Variants in BICRAL observed in about 807,000 individuals in gnomAD.
BICRAL encodes BRD4-interacting chromatin-remodeling complex-associated protein-like.
BICRAL carries 8 observed loss-of-function variants against 91.8 expected under a neutral mutation model. The observed-to-expected ratio is 0.09, with a 90% CI of 0.05 to 0.16. BICRAL has a LOEUF of 0.16. Ranked by LOEUF, BICRAL falls within the 10% of genes least tolerant of loss-of-function variation. BICRAL has a pLI of 1.00. For missense variants in BICRAL, 1,038 were observed against 1,310.9 expected (o/e 0.79, Z 3.21); for synonymous variants, 445 against 491.1 (o/e 0.91, Z 1.24).
At chr6:42,824,930 C>T (rs1347627545) in intron 5 of BICRAL, among the ~76,000 whole-genome samples, 1 of 152,162 alleles carries the variant, frequency 6.6e-6, no homozygotes, top group Non-Finnish European at 1.5e-5. Flanking sequence ...TGAGACCAAC[C>T]AGCATAGTGA....
At chr6:42,859,798 C>T (rs1197599733) in intron 10 of BICRAL, among the ~76,000 whole-genome samples, 3 of 151,906 alleles carry the variant, frequency 2.0e-5, no homozygotes, top group Non-Finnish European at 2.9e-5. Flanking sequence ...CCCGCCACCA[C>T]GCCCAGCTAA....
intron 6 of BICRAL, among the ~76,000 whole-genome samples, chr6:42,843,094 A>T (rs1370374014): frequency 6.6e-6 from 1 of 151,988 alleles, no homozygotes; most frequent in African/African-American, 2.4e-5. Context: ...TGACCTCGTG[A>T]TCTGCCTGCC....
chr6:42,835,884 G>A (rs749048407), intron 6 of BICRAL, among the ~76,000 whole-genome samples: 5 of 152,158 alleles, frequency 3.3e-5, no homozygotes, highest in Non-Finnish European at 7.3e-5. Context: ...TGAGGGTGAT[G>A]GCACCACTGC....
At chr6:42,772,088 A>G (rs1013404248) in intron 1 of BICRAL, among the ~76,000 whole-genome samples, 8 of 152,152 alleles carry the variant, frequency 5.3e-5, no homozygotes, top group Non-Finnish European at 1.2e-4. Context: ...ACTCATTTTA[A>G]GCAATGTTTT....
chr6:42,857,614 A>AAAAAAAAAAAATATATATATATATAT, intron 10 of BICRAL, among the ~76,000 whole-genome samples: 1 of 96,240 alleles, frequency 1.0e-5, no homozygotes, highest in African/African-American at 6.5e-5. Context: ...AAAAAAAAAA[A>AAAAAAAAAAAATATATATATATATAT]ATATATATAT....
intron 1 of BICRAL, among the ~76,000 whole-genome samples, chr6:42,795,362 T>C (rs1325752195): frequency 6.6e-6 from 1 of 151,878 alleles, no homozygotes; most frequent in African/African-American, 2.4e-5. Context: ...ACCTGGGAGG[T>C]GGAGGTTGCA....
intron 6 of BICRAL, among the ~76,000 whole-genome samples, chr6:42,831,087 G>C (rs970659125): frequency 6.6e-6 from 1 of 152,208 alleles, no homozygotes; most frequent in Non-Finnish European, 1.5e-5. Flanking sequence ...GAGTTATCAG[G>C]AGGGTGAAAT....
chr6:42,843,983 T>C (rs1471382049), intron 6 of BICRAL, among the ~76,000 whole-genome samples: 1 of 148,290 alleles, frequency 6.7e-6, no homozygotes, highest in Non-Finnish European at 1.5e-5. Flanking sequence ...TTTTTTTTTT[T>C]AGTAGAGACG....
At chr6:42,800,306 A>G (rs1482444205) in intron 1 of BICRAL, among the ~76,000 whole-genome samples, 1 of 151,660 alleles carries the variant, frequency 6.6e-6, no homozygotes, top group Non-Finnish European at 1.5e-5. Context: ...CTTGTGATCC[A>G]TCTGCCTCGG....
intron 2 of BICRAL, among the ~76,000 whole-genome samples, chr6:42,815,940 C>T (rs1209344842): frequency 2.8e-5 from 4 of 142,166 alleles, no homozygotes; most frequent in African/African-American, 7.9e-5. Flanking sequence ...GCCAAGATTG[C>T]GCCATTGCTC....
intron 2 of BICRAL, among the ~76,000 whole-genome samples, chr6:42,821,370 T>C (rs148876196): frequency 2.6e-5 from 4 of 152,212 alleles, no homozygotes; most frequent in Non-Finnish European, 5.9e-5. Flanking sequence ...ACTTTTTTGG[T>C]TGAGATTCTC....
At chr6:42,843,217 T>A (rs1764862883) in intron 6 of BICRAL, among the ~76,000 whole-genome samples, 1 of 152,162 alleles carries the variant, frequency 6.6e-6, no homozygotes, top group Non-Finnish European at 1.5e-5. Context: ...AAGGAGCCTC[T>A]AACCCAGTTG....
intron 1 of BICRAL, among the ~76,000 whole-genome samples, chr6:42,793,295 A>ATTTTTTT: frequency 2.9e-5 from 1 of 34,384 alleles, no homozygotes; most frequent in Non-Finnish European, 5.0e-5. Flanking sequence ...AGACCCAGCT[A>ATTTTTTT]ATTTTTTTTT....
At chr6:42,817,795 A>G (rs1764034861) in intron 2 of BICRAL, among the ~76,000 whole-genome samples, 1 of 152,006 alleles carries the variant, frequency 6.6e-6, no homozygotes, top group Non-Finnish European at 1.5e-5. Context: ...AATAATAATA[A>G]TACTGCCCTG....
intron 1 of BICRAL, among the ~76,000 whole-genome samples, chr6:42,757,562 T>G (rs760729012): frequency 6.6e-6 from 1 of 152,156 alleles, no homozygotes; most frequent in Non-Finnish European, 1.5e-5. Context: ...AATTTTTGTA[T>G]TTTTAGTAGA....
chr6:42,794,818 G>A lies in BICRAL; in HGVS notation c.-102+12717G>A, dbSNP rs560593464. 3.0e-3 allele frequency among the ~76,000 whole-genome samples: 444 copies of A among 147,068 alleles called. 1 individual carries two copies. The highest frequency in any genetic ancestry group is 5.6e-3 in the Admixed American group (83 of 14,704). Reference sequence around the variant, plus strand: ...ACAAAAAAAAAAAAAAAAAATAGCCGGGCGTGGTGGCGGGCACCTGTAATC... The same window carrying A: ...ACAAAAAAAAAAAAAAAAAATAGCCAGGCGTGGTGGCGGGCACCTGTAATC... On this transcript the variant is annotated intron_variant, in intron 1 of 12. Transcript: ENST00000314073.
chr6:42,827,486 A>C (rs1451639232), intron 5 of BICRAL, among the ~76,000 whole-genome samples: 1 of 152,206 alleles, frequency 6.6e-6, no homozygotes, highest in Non-Finnish European at 1.5e-5. Flanking sequence ...CAACTGTCCT[A>C]TTTCCATGTG....
At chr6:42,778,830 G>A (rs777147274), upstream of BICRAL, among the ~76,000 whole-genome samples, 1 of 151,942 alleles carries the variant, frequency 6.6e-6, no homozygotes, top group Non-Finnish European at 1.5e-5. Flanking sequence ...TTTGCGGGGT[G>A]GGGGAGGGAC....
intron 12 of BICRAL, among the ~76,000 whole-genome samples, chr6:42,863,776 C>A (rs994947643): frequency 6.6e-6 from 1 of 152,130 alleles, no homozygotes; most frequent in Non-Finnish European, 1.5e-5. Context: ...ACCTGTAACC[C>A]CAGCACTTTG....
Sources: gnomAD v4.1 joint callset for allele counts (sites outside exome capture counted in the v4.1 genomes callset) on GRCh38, gnomAD v4.1.1 for gene constraint, MANE v1.5 for transcripts, NCBI Gene and HGNC (gene_info 2026-07-23, HGNC 2026-07-21) for gene names.